Variants in CCDC191 observed in about 807,000 individuals in gnomAD.
CCDC191 encodes the protein coiled-coil domain containing 191.
A neutral mutation model predicts 114.0 loss-of-function variants in CCDC191; 99 were observed. The ratio of observed to expected loss-of-function variants is 0.87; its 90% CI spans 0.74 to 1.03. The LOEUF (loss-of-function observed/expected upper bound fraction) is 1.03. Ranked by LOEUF, CCDC191 falls within the 50% of genes least tolerant of loss-of-function variation. CCDC191 has a pLI of 0.00. For missense variants in CCDC191, 973 were observed against 1,087.0 expected (o/e 0.90, Z 1.47); for synonymous variants, 351 against 376.0 (o/e 0.93, Z 0.77).
At chr3:113,976,547 T>G (rs1559873388) in intron 16 of CCDC191, among the ~76,000 whole-genome samples, 1 of 151,702 alleles carries the variant, frequency 6.6e-6, no homozygotes, top group Admixed American at 6.6e-5. Flanking sequence ...CAAATGAATC[T>G]CTCAGCCTGT....
chr3:114,002,551 A>G lies in CCDC191; in HGVS notation c.1979-13T>C. On this transcript the variant is annotated splice_polypyrimidine_tract_variant and intron_variant, in intron 11 of 16. Transcript: ENST00000295878. ...CTCTCTTCCATAGCTAGAAAATAGT[A>G]ACAGAGTTCTAATATTTTTTATATT... 1 of 1,587,292 alleles carries G rather than the reference A, an allele frequency of 6.3e-7. No homozygotes were observed. Among genetic ancestry groups the G allele is most frequent in the Non-Finnish European group, 8.6e-7 (1 of 1,162,660 alleles).
At chr3:113,996,492 T>G (rs2075726554) in intron 13 of CCDC191, among the ~76,000 whole-genome samples, 1 of 152,248 alleles carries the variant, frequency 6.6e-6, no homozygotes, top group Non-Finnish European at 1.5e-5. Flanking sequence ...ACCAGTACCA[T>G]GCTCTTTTGG....
At chr3:114,042,390 G>A (rs541114825) in intron 4 of CCDC191, among the ~76,000 whole-genome samples, 4 of 152,232 alleles carry the variant, frequency 2.6e-5, no homozygotes, top group East Asian at 1.9e-4. Flanking sequence ...TAAAGTATGC[G>A]AGAGGATACG....
chr3:114,007,422 C>G (rs915775427), intron 9 of CCDC191, among the ~76,000 whole-genome samples: 2 of 152,190 alleles, frequency 1.3e-5, no homozygotes, highest in Non-Finnish European at 2.9e-5. Context: ...TATGGAAACT[C>G]TGACATGTTA....
At chr3:114,030,653 A>T (rs1254931013) in intron 7 of CCDC191, among the ~76,000 whole-genome samples, 1 of 152,202 alleles carries the variant, frequency 6.6e-6, no homozygotes, top group East Asian at 1.9e-4. Flanking sequence ...TCACCATCAA[A>T]TATGTCTATC....
chr3:113,980,812 C>A lies in CCDC191; in HGVS notation c.2164-19G>T, dbSNP rs2075122553. On this transcript the variant is annotated intron_variant, in intron 13 of 16. Transcript: ENST00000295878. ...GTTCTTTCTGGAAAAGATTAAAAAGCAAAATGCTATGATCAAAAAACGAAT... is the reference window on the plus strand; with the variant it reads ...GTTCTTTCTGGAAAAGATTAAAAAGAAAAATGCTATGATCAAAAAACGAAT... 2 of 1,588,370 alleles carry A rather than the reference C, an allele frequency of 1.3e-6. No homozygotes were observed. Among genetic ancestry groups the A allele is most frequent in the Admixed American group, 1.9e-5 (1 of 52,488 alleles).
At chr3:113,972,623 T>TG (rs1274667184) in intron 16 of CCDC191, among the ~76,000 whole-genome samples, 1 of 152,142 alleles carries the variant, frequency 6.6e-6, no homozygotes, top group African/African-American at 2.4e-5. Context: ...GATGTTTCCT[T>TG]GCTGATTTTC....
At chr3:114,023,722 C>T (rs2076277212) in intron 7 of CCDC191, among the ~76,000 whole-genome samples, 1 of 152,130 alleles carries the variant, frequency 6.6e-6, no homozygotes, top group Admixed American at 6.5e-5. Flanking sequence ...GGATTAAAGA[C>T]TTAAATGTTA....
intron 9 of CCDC191, among the ~76,000 whole-genome samples, chr3:114,006,185 A>C (rs1040691242): frequency 3.3e-5 from 5 of 151,438 alleles, no homozygotes; most frequent in African/African-American, 1.2e-4. Flanking sequence ...GTGGTGGCTC[A>C]TGCCTGTAAT....
In CCDC191 at chr3:113,964,305, T is replaced by C. The variant is rs1939893955; in HGVS notation, c.*850A>G. On this transcript the variant is annotated 3_prime_UTR_variant, in exon 17 of 17. Coordinates refer to ENST00000295878, the MANE Select transcript of CCDC191 (RefSeq NM_020817.2). ...GTGTATTTTATAATGAAAAATTATT[T>C]TTCTAGCAGGTAATTCTCTAACACA... 1 of 152,204 alleles carries C rather than the reference T, an allele frequency of 6.6e-6. No individual in the cohort carries two copies. The highest frequency in any genetic ancestry group is 2.1e-4 in the South Asian group (1 of 4,826). 9.4% of individuals were successfully genotyped at this position (152,204 alleles called of 1,614,324 possible).
At chr3:113,974,033 ATTCT>A (rs1363879903) in intron 16 of CCDC191, among the ~76,000 whole-genome samples, 8 of 151,690 alleles carry the variant, frequency 5.3e-5, no homozygotes, top group Admixed American at 4.6e-4. Flanking sequence ...GGGCTCACTA[ATTCT>A]TTCCACTGCT....
intron 4 of CCDC191, among the ~76,000 whole-genome samples, chr3:114,038,518 T>C (rs2076517929): frequency 6.6e-6 from 1 of 152,228 alleles, no homozygotes; most frequent in African/African-American, 2.4e-5. Context: ...AGTTTATCAC[T>C]GATAGGCACT....
At position 114,034,977 on chromosome 3, in the gene CCDC191, G is replaced by A. The variant is rs2076461764; in HGVS notation, c.766C>T (p.Leu256=). 3 of 1,613,888 alleles carry A rather than the reference G, an allele frequency of 1.9e-6. No individual in the cohort carries two copies. Among genetic ancestry groups the A allele is most frequent in the African/African-American group, 1.3e-5 (1 of 74,866 alleles). Reference sequence around the variant, plus strand: ...CTCCTCTCAATTATCTCCCTCCGCAGCTTCACCATCTCCCTTTGAATCTCC... The same window carrying A: ...CTCCTCTCAATTATCTCCCTCCGCAACTTCACCATCTCCCTTTGAATCTCC... ...EEEIQREMVK[L]RREIIERRRT... is the part of the protein sequence containing the mutation. The change falls in exon 6 of 17, where the codon CTG becomes TTG. Residue 256 remains leucine (L), a synonymous_variant. Coordinates refer to ENST00000295878, the MANE Select transcript of CCDC191 (RefSeq NM_020817.2).
intron 7 of CCDC191, among the ~76,000 whole-genome samples, chr3:114,028,431 G>A (rs568780650): frequency 4.6e-5 from 7 of 151,702 alleles, no homozygotes; most frequent in Admixed American, 1.3e-4. Context: ...GACTACAGGC[G>A]CCCGCCACCA....
chr3:114,003,298 A>G (rs548976780), intron 11 of CCDC191: 13 of 985,396 alleles, frequency 1.3e-5, no homozygotes, highest in Non-Finnish European at 1.4e-5. Flanking sequence ...GCCAGCCAAT[A>G]GTTACTTTCA....
intron 1 of CCDC191, 85 bp from the exon 2 acceptor site, chr3:114,053,720 T>A (rs777221258): frequency 2.3e-5 from 19 of 816,712 alleles, no homozygotes; most frequent in Admixed American, 7.5e-5. Flanking sequence ...GACTAAAGCA[T>A]ATGGAACAGT....
chr3:114,050,250 G>T (rs9859901), intron 2 of CCDC191, among the ~76,000 whole-genome samples: 16,404 of 152,268 alleles, frequency 0.11, 1,015 homozygotes, highest in African/African-American at 0.16. Flanking sequence ...TTGTAGCCTA[G>T]CAACATGGAT....
intron 12 of CCDC191, 81 bp downstream of exon 12, chr3:114,002,375 G>C: frequency 9.6e-7 from 1 of 1,043,148 alleles, no homozygotes; most frequent in South Asian, 1.6e-5. Context: ...CAGGAGTTCT[G>C]AAAAAGCAAG....
chr3:114,003,080 G>C (rs1052040951), intron 11 of CCDC191: 2 of 985,202 alleles, frequency 2.0e-6, no homozygotes. Context: ...ATATACAGAT[G>C]GGCAGGAAAT....
Sources: allele counts gnomAD v4.1 joint callset (sites outside exome capture counted in the v4.1 genomes callset), GRCh38; gene constraint gnomAD v4.1.1; transcripts MANE v1.5; gene names NCBI Gene and HGNC (gene_info 2026-07-23, HGNC 2026-07-21).